Variants in MBTD1 observed in about 807,000 individuals in gnomAD.
MBTD1 encodes the protein mbt domain containing 1.
In MBTD1, 24 loss-of-function variants were observed where a neutral mutation model predicts 87.8. That is an observed-to-expected ratio of 0.27 (90% CI 0.20 to 0.38). The LOEUF (loss-of-function observed/expected upper bound fraction) is 0.38. Ranked by LOEUF, MBTD1 falls within the 10% of genes least tolerant of loss-of-function variation. The pLI, the probability that MBTD1 is intolerant of heterozygous loss-of-function variation, is 1.00. For missense variants in MBTD1, 436 were observed against 760.2 expected (o/e 0.57, Z 5.02); for synonymous variants, 237 against 248.6 (o/e 0.95, Z 0.44).
chr17:51,236,768 T>C (rs529604363), intron 2 of MBTD1, among the ~76,000 whole-genome samples: 1 of 90,898 alleles, frequency 1.1e-5, no homozygotes, highest in South Asian at 4.1e-4. Flanking sequence ...GGCAATTTAG[T>C]GGAGAAAAAA....
At chr17:51,239,059 C>T (rs2054013185) in intron 2 of MBTD1, among the ~76,000 whole-genome samples, 1 of 151,452 alleles carries the variant, frequency 6.6e-6, no homozygotes, top group African/African-American at 2.4e-5. Flanking sequence ...AAGATCATGC[C>T]ACTGCACTCC....
intron 2 of MBTD1, among the ~76,000 whole-genome samples, chr17:51,227,963 A>G (rs944070179): frequency 3.9e-5 from 6 of 152,132 alleles, no homozygotes; most frequent in African/African-American, 4.8e-5. Context: ...AGAAAAAAAA[A>G]AAAAAAGAAA....
At chr17:51,254,745 A>T (rs1017970550) in intron 2 of MBTD1, among the ~76,000 whole-genome samples, 2 of 152,262 alleles carry the variant, frequency 1.3e-5, no homozygotes, top group African/African-American at 2.4e-5. Flanking sequence ...AAATAAAAAA[A>T]TTCACATGAA....
chr17:51,239,393 TATTTATAA>T (rs1267682719), intron 2 of MBTD1, among the ~76,000 whole-genome samples: 5 of 152,232 alleles, frequency 3.3e-5, no homozygotes, highest in African/African-American at 1.2e-4. Flanking sequence ...CTTAACTTTT[TATTTATAA>T]ATTTATAAGT....
chr17:51,252,886 T>C (rs1327911885), intron 2 of MBTD1, among the ~76,000 whole-genome samples: 4 of 151,948 alleles, frequency 2.6e-5, no homozygotes, highest in Non-Finnish European at 5.9e-5. Context: ...CACTATAAAG[T>C]CACTAATGTC....
rs189215746 is a variant in MBTD1 at position 51,195,159 on chromosome 17, C to A, written c.1372+55G>T. 4.6e-5 allele frequency: 70 copies of A among 1,528,406 alleles called. No homozygotes were observed. In the Admixed American group the frequency reaches 1.3e-3, roughly 29 times the overall value. The allele number at this position is 1,528,406 out of a possible 1,614,324, so 94.7% of individuals were successfully genotyped here. On this transcript the variant is annotated intron_variant, in intron 13 of 16. Transcript: ENST00000586178. ...CTGTGTTAAATGTTGTAAACAAAAA[C>A]CATGTAAGAAGAAAGCAACAATTAA...
chr17:51,246,149 A>T (rs2054421315), intron 2 of MBTD1, among the ~76,000 whole-genome samples: 1 of 152,250 alleles, frequency 6.6e-6, no homozygotes, highest in Admixed American at 6.5e-5. Flanking sequence ...ATTTTGGAAT[A>T]TGTGCATACG....
intron 16 of MBTD1, among the ~76,000 whole-genome samples, chr17:51,182,258 G>C (rs1598270031): frequency 6.6e-6 from 1 of 151,900 alleles, no homozygotes; most frequent in Admixed American, 6.6e-5. Flanking sequence ...CCGAGTGGCT[G>C]GGATTACAGG....
intron 4 of MBTD1, among the ~76,000 whole-genome samples, chr17:51,219,338 A>G (rs2052752818): frequency 6.6e-6 from 1 of 152,224 alleles, no homozygotes; most frequent in Admixed American, 6.5e-5. Context: ...GCTGTGGTGG[A>G]TACTTGATTC....
Position 51,201,674 on chromosome 17 carries a change from C to G in MBTD1, c.1142G>C (p.Gly381Ala). Residue 381 changes from glycine to alanine, a missense_variant, in exon 12 of 17, where the codon GGG becomes GCG. This residue lies in a region of MBTD1 where 268 missense variants were observed against 401.8 expected (regional missense o/e 0.67). Coordinates refer to ENST00000586178, the MANE Select transcript of MBTD1 (RefSeq NM_017643.3). ...FAKVKEVDQS[G>A]EWFKEGMKLE... ...TTTCATTCCTTCCTTGAACCATTCCCCACTCTGGTCTACTTCTTTTACCTA... is the reference window on the plus strand; with the variant it reads ...TTTCATTCCTTCCTTGAACCATTCCGCACTCTGGTCTACTTCTTTTACCTA... 1 of 1,608,414 alleles carries G rather than the reference C, an allele frequency of 6.2e-7. No homozygotes were observed. The highest frequency in any genetic ancestry group is 8.5e-7 in the Non-Finnish European group (1 of 1,175,696).
chr17:51,197,051 T>C (rs539920217), intron 12 of MBTD1, among the ~76,000 whole-genome samples: 170 of 1,016 alleles, frequency 0.17, 2 homozygotes, highest in South Asian at 0.42. Context: ...GATATATATA[T>C]ATATATATAT....
chr17:51,240,315 T>A (rs9907143), intron 2 of MBTD1, among the ~76,000 whole-genome samples: 15,589 of 152,142 alleles, frequency 0.1, 1,603 homozygotes, highest in African/African-American at 0.26. Flanking sequence ...TCAGTTTTCC[T>A]TCATTTTTAC....
chr17:51,203,732 A>G, intron 8 of MBTD1, 59 bp downstream of exon 8: 1 of 1,530,054 alleles, frequency 6.5e-7, no homozygotes, highest in Non-Finnish European at 8.9e-7. Flanking sequence ...TACTATGTGT[A>G]AAATAGCATT....
At chr17:51,253,346 A>G (rs946965232) in intron 2 of MBTD1, among the ~76,000 whole-genome samples, 1 of 152,200 alleles carries the variant, frequency 6.6e-6, no homozygotes, top group African/African-American at 2.4e-5. Flanking sequence ...CATACATAAT[A>G]CATACAAGGA....
chr17:51,259,798 C>G, intron 1 of MBTD1, 37 bp downstream of exon 1: 1 of 1,232,756 alleles, frequency 8.1e-7, no homozygotes, highest in Non-Finnish European at 1.0e-6. Context: ...GTCCCCCCCA[C>G]CTGGCACACA....
Position 51,259,219 on chromosome 17 carries a change from G to A in MBTD1, c.-112-13C>T, listed in dbSNP as rs897177001. The A allele has an allele frequency of 3.3e-6, 4 of 1,223,184 alleles. No individual in the cohort carries two copies. The highest frequency in any genetic ancestry group is 4.2e-5 in the Admixed American group (1 of 23,688). The allele number at this position is 1,223,184 out of a possible 1,614,324, so 75.8% of individuals were successfully genotyped here. A position where few individuals can be genotyped will look rare whatever the true frequency, so the allele number is the denominator to read the frequency against. ...GTCTCTTCCGACTCTGAAATGTTAG[G>A]ATTCTTATTTCACAAAGGAGAACGC... On this transcript the variant is annotated splice_polypyrimidine_tract_variant and intron_variant, in intron 1 of 16. Coordinates refer to ENST00000586178, the MANE Select transcript of MBTD1 (RefSeq NM_017643.3).
chr17:51,180,791 G>T, intron 16 of MBTD1, 97 bp from the exon 17 acceptor site: 1 of 688,908 alleles, frequency 1.5e-6, no homozygotes, highest in South Asian at 1.7e-5. Context: ...CAGTTATTAA[G>T]ACTTCTTCAT....
intron 2 of MBTD1, among the ~76,000 whole-genome samples, chr17:51,253,137 T>C (rs1368566041): frequency 6.6e-6 from 1 of 152,166 alleles, no homozygotes; most frequent in Non-Finnish European, 1.5e-5. Context: ...AAAAATTAAG[T>C]TGGTATATAT....
upstream of MBTD1, chr17:51,260,156 G>C: frequency 2.7e-6 from 1 of 368,214 alleles, no homozygotes; most frequent in Non-Finnish European, 4.9e-6. Context: ...CCCTCTGCAG[G>C]CTCCGTACTC....
Sources: allele counts gnomAD v4.1 joint callset (sites outside exome capture counted in the v4.1 genomes callset), GRCh38; gene constraint gnomAD v4.1.1; regional missense constraint gnomAD v4.1.1; transcripts MANE v1.5; gene names NCBI Gene and HGNC (gene_info 2026-07-23, HGNC 2026-07-21).